C6orf89: variants seen among roughly 807,000 people sequenced by gnomAD.
C6orf89 encodes the protein chromosome 6 open reading frame 89.
In C6orf89, 29 loss-of-function variants were observed where a neutral mutation model predicts 40.7. The observed-to-expected ratio is 0.71, with a 90% CI of 0.53 to 0.97. C6orf89 has a LOEUF of 0.97. Among genes scored for constraint, C6orf89 ranks in the 50% least tolerant of loss-of-function variants. The pLI, the probability that C6orf89 is intolerant of heterozygous loss-of-function variation, is 0.00. For synonymous variants in C6orf89, 165 were observed against 152.2 expected, an observed-to-expected ratio of 1.08 and a Z score of -0.62; for missense variants, 392 against 429.1, an observed-to-expected ratio of 0.91 and a Z score of 0.76.
At chr6:36,893,668 A>G (rs953745748) in intron 1 of C6orf89, among the ~76,000 whole-genome samples, 2 of 152,198 alleles carry the variant, frequency 1.3e-5, no homozygotes, top group African/African-American at 2.4e-5. Context: ...GCGGTGGTTC[A>G]TGCCTGTAAT....
intron 4 of C6orf89, among the ~76,000 whole-genome samples, chr6:36,912,329 A>G (rs186306630): frequency 2.0e-5 from 3 of 152,320 alleles, no homozygotes; most frequent in Admixed American, 1.3e-4. Context: ...AAATGCTATA[A>G]CATGGGAAAG....
chr6:36,920,070 G>A (rs1241575945), intron 8 of C6orf89, among the ~76,000 whole-genome samples: 1 of 152,226 alleles, frequency 6.6e-6, no homozygotes, highest in Non-Finnish European at 1.5e-5. Context: ...AGAGCGTCAG[G>A]TCTTAAGTGC....
chr6:36,918,214 C>T (rs1179726140), intron 7 of C6orf89, among the ~76,000 whole-genome samples: 3 of 152,242 alleles, frequency 2.0e-5, no homozygotes, highest in Non-Finnish European at 4.4e-5. Flanking sequence ...AGGCCCACTT[C>T]ACCCACTCCA....
intron 1 of C6orf89, among the ~76,000 whole-genome samples, chr6:36,893,617 A>G (rs1232678797): frequency 6.6e-6 from 1 of 152,228 alleles, no homozygotes; most frequent in East Asian, 1.9e-4. Flanking sequence ...TGGGAGTTTA[A>G]TAAGATTTTT....
intron 6 of C6orf89, among the ~76,000 whole-genome samples, chr6:36,915,353 G>A (rs1402552379): frequency 2.0e-5 from 3 of 152,234 alleles, no homozygotes; most frequent in Admixed American, 2.0e-4. Context: ...CTGCCAGGCA[G>A]TGTGGCTTGG....
chr6:36,877,708 T>C (rs1271644419), intron 1 of C6orf89, among the ~76,000 whole-genome samples: 1 of 152,234 alleles, frequency 6.6e-6, no homozygotes, highest in Non-Finnish European at 1.5e-5. Context: ...CTCTTAGTAT[T>C]GCTAGTCTTT....
chr6:36,902,538 T>C, intron 4 of C6orf89, 104 bp downstream of exon 4: 1 of 973,954 alleles, frequency 1.0e-6, no homozygotes, highest in Non-Finnish European at 1.5e-6. Context: ...AAGCTCCCTA[T>C]ATTGTATCTT....
At chr6:36,920,798 C>T (rs1289789961) in intron 8 of C6orf89, among the ~76,000 whole-genome samples, 2 of 152,028 alleles carry the variant, frequency 1.3e-5, no homozygotes, top group South Asian at 2.1e-4. Context: ...ATGACTATTG[C>T]GAAAATCTCT....
intron 1 of C6orf89, among the ~76,000 whole-genome samples, chr6:36,889,582 C>CAAAAAAAAAAAAAAAAAAAAAAA (rs58417436): frequency 1.8e-4 from 25 of 140,414 alleles, no homozygotes; most frequent in African/African-American, 5.0e-4. Flanking sequence ...AAAACAAAAA[C>CAAAAAAAAAAAAAAAAAAAAAAA]AAAAAAAAAA....
rs1583209350 is a variant in C6orf89 at position 36,923,597 on chromosome 6, A to G, written c.*156A>G. The G allele has an allele frequency of 2.9e-6, 2 of 695,466 alleles. No homozygotes were observed. The highest frequency in any genetic ancestry group is 5.3e-6 in the Non-Finnish European group (2 of 374,434). 43.1% of individuals were successfully genotyped at this position (695,466 alleles called of 1,614,324 possible). A position where few individuals can be genotyped will look rare whatever the true frequency, so the allele number is the denominator to read the frequency against. On this transcript the variant is annotated 3_prime_UTR_variant, in exon 9 of 9. Transcript: ENST00000480824. Reference sequence around the variant, plus strand: ...GTGAACCAGCTGTGAGCTGCAAGGCAGTGGCCAGAGCCTCGCCCTCCTGAC... The same window carrying G: ...GTGAACCAGCTGTGAGCTGCAAGGCGGTGGCCAGAGCCTCGCCCTCCTGAC...
At chr6:36,893,192 C>T (rs11970506) in intron 1 of C6orf89, among the ~76,000 whole-genome samples, 81 of 151,802 alleles carry the variant, frequency 5.3e-4, no homozygotes, top group African/African-American at 1.9e-3. Context: ...CCTCGGCCTC[C>T]CAAAGTGCTG....
chr6:36,885,990 C>T lies in C6orf89; in HGVS notation c.-158C>T. The T allele has an allele frequency of 8.4e-7, 1 of 1,196,008 alleles. No individual in the cohort carries two copies. Among genetic ancestry groups the T allele is most frequent in the Non-Finnish European group, 1.0e-6 (1 of 977,266 alleles). 74.1% of individuals were successfully genotyped at this position (1,196,008 alleles called of 1,614,324 possible). The stretch of plus-strand genomic sequence containing the variant: ...TCCTCCTCGCCCGGCGGCAGCTGTC[C>T]CCGAGGCGGGAGGAGCCCGAGGGGC... On this transcript the variant is annotated 5_prime_UTR_variant, in exon 1 of 9. Coordinates refer to ENST00000480824, the MANE Select transcript of C6orf89 (RefSeq NM_001286635.2).
At chr6:36,875,849 A>G (rs563929815) in intron 1 of C6orf89, among the ~76,000 whole-genome samples, 1 of 152,362 alleles carries the variant, frequency 6.6e-6, no homozygotes, top group Non-Finnish European at 1.5e-5. Flanking sequence ...GCTCTTAACG[A>G]CAGTTCAACT....
At position 36,899,398 on chromosome 6, in the gene C6orf89, A is replaced by G. The variant is rs773037331; in HGVS notation, c.-19-28A>G. On this transcript the variant is annotated intron_variant, in intron 2 of 8. Coordinates refer to ENST00000480824, the MANE Select transcript of C6orf89 (RefSeq NM_001286635.2). ...ACCTAAAGAAACCACCTTTCTTTTT[A>G]CATTTATTTTCTCTCCGTCTCTCTC... 4 of 1,606,682 alleles carry G rather than the reference A, an allele frequency of 2.5e-6. No individual in the cohort carries two copies. In the Admixed American group the frequency reaches 5.0e-5, roughly 20 times the overall value.
At chr6:36,897,151 A>G (rs1245286227) in intron 2 of C6orf89, among the ~76,000 whole-genome samples, 2 of 139,794 alleles carry the variant, frequency 1.4e-5, no homozygotes, top group Non-Finnish European at 3.1e-5. Context: ...AAAAAAAAAA[A>G]GAAAAGAAAG....
rs114035652 is a variant in C6orf89 at position 36,910,665 on chromosome 6, C to T, written c.404-3619C>T. On this transcript the variant is annotated intron_variant, in intron 4 of 8. Coordinates refer to ENST00000480824, the MANE Select transcript of C6orf89 (RefSeq NM_001286635.2). ...ATGACTTGAGCCTGGAAGGTCAAGG[C>T]GACAGTGAGCTGAGATGTGCCACTG... 3.8e-3 allele frequency among the ~76,000 whole-genome samples: 577 copies of T among 150,854 alleles called. 1 individual carries two copies. The highest frequency in any genetic ancestry group is 0.013 in the African/African-American group (554 of 41,040).
rs1453282694 is a variant in C6orf89, at chr6:36,926,603, A to C, written c.*3162A>C. On this transcript the variant is annotated 3_prime_UTR_variant, in exon 9 of 9. Transcript: ENST00000480824. ...AGGGGAGGGGAGGGAAAGGGAAGGG[A>C]GGGGAGGGGAGGAGAGGAGAGCAGA... The C allele has an allele frequency of 1.6e-5, 1 of 64,132 alleles. No individual in the cohort carries two copies. Among genetic ancestry groups the C allele is most frequent in the Non-Finnish European group, 3.0e-5 (1 of 33,820 alleles). The allele number at this position is 64,132 out of a possible 1,614,324, so 4.0% of individuals were successfully genotyped here.
At chr6:36,887,444 A>G (rs958753048) in intron 1 of C6orf89, among the ~76,000 whole-genome samples, 10 of 152,200 alleles carry the variant, frequency 6.6e-5, no homozygotes, top group African/African-American at 1.9e-4. Flanking sequence ...TCTGCTTTCA[A>G]GAAACACTAT....
chr6:36,901,315 ATTATTATTTTTTTTTTTTTTTTT>A (rs1313234839), intron 3 of C6orf89, among the ~76,000 whole-genome samples: 1 of 29,324 alleles, frequency 3.4e-5, no homozygotes, highest in East Asian at 1.3e-3. Context: ...TATTATTATT[ATTATTATTTTTTTTTTTTTTTTT>A]TTTTTTTTTT....
Sources: allele counts gnomAD v4.1 joint callset (sites outside exome capture counted in the v4.1 genomes callset), GRCh38; gene constraint gnomAD v4.1.1; transcripts MANE v1.5; gene names NCBI Gene and HGNC (gene_info 2026-07-23, HGNC 2026-07-21).